The following SLC35E3 variants were observed in gnomAD, a reference collection of about 807,000 sequenced individuals.
The protein encoded by SLC35E3 is solute carrier family 35 member E3.
Under a neutral mutation model 30.8 loss-of-function variants are expected in SLC35E3, and 28 were observed. That is an observed-to-expected ratio of 0.91 (90% CI 0.67 to 1.25). SLC35E3 has a LOEUF of 1.25. SLC35E3 is among the 50% of genes most tolerant of loss of function. The pLI is 0.00. For missense variants in SLC35E3, 365 were observed against 375.4 expected (o/e 0.97, Z 0.23); for synonymous variants, 146 against 149.2 (o/e 0.98, Z 0.16).
chr12:68,752,271 G>A (rs1025331932), intron 3 of SLC35E3, 81 bp downstream of exon 3: 19 of 1,289,882 alleles, frequency 1.5e-5, no homozygotes, highest in Non-Finnish European at 2.0e-5. Flanking sequence ...AGTTTTCAGA[G>A]CACTATGTCC....
chr12:68,753,385 C>G (rs892413700), intron 3 of SLC35E3, among the ~76,000 whole-genome samples: 1 of 150,960 alleles, frequency 6.6e-6, no homozygotes, highest in African/African-American at 2.4e-5. Context: ...CCCAGGAGGT[C>G]GAGGCTGCAG....
At chr12:68,753,283 G>GA (rs1455098784) in intron 3 of SLC35E3, among the ~76,000 whole-genome samples, 1 of 150,330 alleles carries the variant, frequency 6.7e-6, no homozygotes, top group African/African-American at 2.5e-5. Context: ...CTCTGTCTCA[G>GA]AAAAAAAATA....
intron 3 of SLC35E3, among the ~76,000 whole-genome samples, chr12:68,756,401 G>A (rs1308428399): frequency 6.7e-6 from 1 of 148,388 alleles, no homozygotes; most frequent in East Asian, 2.0e-4. Flanking sequence ...GTCCCTAGGA[G>A]GCATCCTTGA....
At chr12:68,748,931 G>T (rs1878693914) in intron 2 of SLC35E3, among the ~76,000 whole-genome samples, 2 of 152,312 alleles carry the variant, frequency 1.3e-5, no homozygotes, top group Middle Eastern at 3.4e-3. Flanking sequence ...TAGTGATCAT[G>T]TCAGAGACAG....
chr12:68,747,138 C>A (rs2136064175), intron 1 of SLC35E3, among the ~76,000 whole-genome samples: 1 of 152,260 alleles, frequency 6.6e-6, no homozygotes, highest in Non-Finnish European at 1.5e-5. Context: ...TATGATAAAA[C>A]GTGAAAAGAT....
At chr12:68,756,756 A>G (rs944415525) in intron 3 of SLC35E3, among the ~76,000 whole-genome samples, 4 of 152,158 alleles carry the variant, frequency 2.6e-5, no homozygotes, top group South Asian at 2.1e-4. Flanking sequence ...AATCCCAGCA[A>G]TTTGGGAGGT....
chr12:68,765,714 C>T lies in SLC35E3; in HGVS notation c.*824C>T, dbSNP rs1879386778. The T allele has an allele frequency of 6.8e-6, 1 of 146,310 alleles. No individual in the cohort carries two copies. Among genetic ancestry groups the T allele is most frequent in the African/African-American group, 2.6e-5 (1 of 39,038 alleles). The allele number at this position is 146,310 out of a possible 1,614,324, so 9.1% of individuals were successfully genotyped here. On this transcript the variant is annotated 3_prime_UTR_variant, in exon 5 of 5. Transcript: ENST00000398004. ...TATACATGTGTATATATATACCATC[C>T]CATATATATGTGGGATATATATATA...
At chr12:68,750,574 T>C (rs1277417077) in intron 2 of SLC35E3, among the ~76,000 whole-genome samples, 1 of 152,110 alleles carries the variant, frequency 6.6e-6, no homozygotes, top group Non-Finnish European at 1.5e-5. Context: ...AGAGGGGTGG[T>C]GGCAGGAGCC....
At position 68,768,697 on chromosome 12, in the gene SLC35E3, A is replaced by AGCTGATGGAAGAAGGATG. The variant is rs1393583576; in HGVS notation, c.*3810_*3827dup. 1 of 152,134 alleles carries AGCTGATGGAAGAAGGATG rather than the reference A, an allele frequency of 6.6e-6. No individual in the cohort carries two copies. The highest frequency in any genetic ancestry group is 1.5e-5 in the Non-Finnish European group (1 of 68,020). The allele number at this position is 152,134 out of a possible 1,614,324, so 9.4% of individuals were successfully genotyped here. ...TTTTTACTTCTGTATTGCATATGAG[A>AGCTGATGGAAGAAGGATG]GCTGATGGAAGAAGGATGGCATCTG... is the stretch of plus-strand genomic sequence containing the variant. On this transcript the variant is annotated 3_prime_UTR_variant, in exon 5 of 5. Coordinates refer to ENST00000398004, the MANE Select transcript of SLC35E3 (RefSeq NM_018656.5).
intron 3 of SLC35E3, among the ~76,000 whole-genome samples, chr12:68,753,429 G>A (rs1214075703): frequency 1.3e-5 from 2 of 151,762 alleles, no homozygotes; most frequent in African/African-American, 4.8e-5. Context: ...TTTCAGCCTG[G>A]GCAACAGAGT....
chr12:68,746,206 G>A lies in SLC35E3; in HGVS notation c.-172G>A. On this transcript the variant is annotated 5_prime_UTR_variant, in exon 1 of 5. In the 5' UTR this introduces an upstream ATG that the reference lacks. Transcript: ENST00000398004. Reference sequence around the variant, plus strand: ...AGCTGGCTTACAGGGCGGCGGCGGGGTGTGTGTCCTCTGTTAAGAGTGCTA... The same window carrying A: ...AGCTGGCTTACAGGGCGGCGGCGGGATGTGTGTCCTCTGTTAAGAGTGCTA... The A allele has an allele frequency of 3.6e-6, 2 of 548,460 alleles. No homozygotes were observed. The highest frequency in any genetic ancestry group is 6.2e-6 in the Non-Finnish European group (2 of 321,466). The allele number at this position is 548,460 out of a possible 1,614,324, so 34.0% of individuals were successfully genotyped here. A position where few individuals can be genotyped will look rare whatever the true frequency, so the allele number is the denominator to read the frequency against.
chr12:68,777,119 AG>A lies in SLC35E3; in HGVS notation c.*12230del, dbSNP rs1454500496. 3 of 152,216 alleles carry A rather than the reference AG, an allele frequency of 2.0e-5. No individual in the cohort carries two copies. Among genetic ancestry groups the A allele is most frequent in the African/African-American group, 7.2e-5 (3 of 41,458 alleles). The allele number at this position is 152,216 out of a possible 1,614,324, so 9.4% of individuals were successfully genotyped here. ...CAGTGTGAAAGTTCAACAGGTATTCAGTAAGCAGATCTAGGAAAAACTCACT... is the reference window on the plus strand; with the variant it reads ...CAGTGTGAAAGTTCAACAGGTATTCATAAGCAGATCTAGGAAAAACTCACT... On this transcript the variant is annotated 3_prime_UTR_variant, in exon 5 of 5. Coordinates refer to ENST00000398004, the MANE Select transcript of SLC35E3 (RefSeq NM_018656.5).
At chr12:68,757,592 A>G (rs1222364254) in intron 3 of SLC35E3, among the ~76,000 whole-genome samples, 1 of 152,234 alleles carries the variant, frequency 6.6e-6, no homozygotes, top group East Asian at 1.9e-4. Flanking sequence ...TGAAAATTAA[A>G]TAAGTGAATA....
At chr12:68,753,935 T>C (rs1230554055) in intron 3 of SLC35E3, among the ~76,000 whole-genome samples, 5 of 151,658 alleles carry the variant, frequency 3.3e-5, no homozygotes, top group Non-Finnish European at 5.9e-5. Flanking sequence ...CACTGCAAAC[T>C]CCGCCTCCCG....
intron 2 of SLC35E3, 46 bp downstream of exon 2, chr12:68,748,086 A>T: frequency 1.8e-6 from 2 of 1,098,836 alleles, no homozygotes; most frequent in Non-Finnish European, 2.8e-6. Context: ...CAGATTTCAT[A>T]AATTTTGAAG....
At chr12:68,761,775 A>G (rs930539949) in intron 4 of SLC35E3, among the ~76,000 whole-genome samples, 17 of 152,174 alleles carry the variant, frequency 1.1e-4, no homozygotes, top group African/African-American at 3.9e-4. Flanking sequence ...GATTCTGGAA[A>G]TATTTCTAAG....
rs1335877586 is a variant in SLC35E3, at chr12:68,768,574, C to T, written c.*3684C>T. 1 of 152,208 alleles carries T rather than the reference C, an allele frequency of 6.6e-6. No individual in the cohort carries two copies. Among genetic ancestry groups the T allele is most frequent in the East Asian group, 1.9e-4 (1 of 5,206 alleles). 9.4% of individuals were successfully genotyped at this position (152,208 alleles called of 1,614,324 possible). A position where few individuals can be genotyped will look rare whatever the true frequency, so the allele number is the denominator to read the frequency against. ...ATACAGTGCTTTCAAAGAAAACATGCTTGCTGTCCTTTGTTACCAGTGTAA... is the reference window on the plus strand; with the variant it reads ...ATACAGTGCTTTCAAAGAAAACATGTTTGCTGTCCTTTGTTACCAGTGTAA... On this transcript the variant is annotated 3_prime_UTR_variant, in exon 5 of 5. Coordinates refer to ENST00000398004, the MANE Select transcript of SLC35E3 (RefSeq NM_018656.5).
intron 2 of SLC35E3, among the ~76,000 whole-genome samples, chr12:68,748,407 C>T (rs982813609): frequency 4.6e-5 from 7 of 152,058 alleles, no homozygotes; most frequent in African/African-American, 1.7e-4. Flanking sequence ...GAGTATACTT[C>T]CAGAAATCTG....
rs1218067680 is a variant in SLC35E3 at position 68,746,754 on chromosome 12, TCTC to T, written c.379_381del (p.Ser127del). 15 of 1,593,822 alleles carry T rather than the reference TCTC, an allele frequency of 9.4e-6. No homozygotes were observed. The highest frequency in any genetic ancestry group is 2.2e-5 in the East Asian group (1 of 44,446). ...CAGACCTTCTGCTACCAGAAAACCT[TCTC>T]CACCAGAATCCAGCTCACGCTGGTG... On this transcript the variant is annotated inframe_deletion, in exon 1 of 5. Transcript: ENST00000398004.
Sources: gnomAD v4.1 joint callset for allele counts (sites outside exome capture counted in the v4.1 genomes callset) on GRCh38, gnomAD v4.1.1 for gene constraint, MANE v1.5 for transcripts, NCBI Gene and HGNC (gene_info 2026-07-23, HGNC 2026-07-21) for gene names.